The following BBS2 variants were observed in gnomAD, a reference collection of about 807,000 sequenced individuals.
The protein encoded by BBS2 is Bardet-Biedl syndrome 2, also known as BBSome complex member BBS2.
Under a neutral mutation model 83.0 loss-of-function variants are expected in BBS2, and 62 were observed. The ratio of observed to expected loss-of-function variants is 0.75; its 90% CI spans 0.61 to 0.92. The LOEUF is 0.92. Ranked by LOEUF, BBS2 falls within the 40% of genes least tolerant of loss-of-function variation. The probability of loss-of-function intolerance (pLI) is 0.00; values close to 1 mark genes in which losing one functional copy is unlikely to be tolerated. For missense variants in BBS2, 784 were observed against 901.0 expected (o/e 0.87, Z 1.66); for synonymous variants, 303 against 326.1 (o/e 0.93, Z 0.76).
chr16:56,486,621 T>A (rs77020423), intron 15 of BBS2, among the ~76,000 whole-genome samples: 25,420 of 152,126 alleles, frequency 0.17, 2,298 homozygotes, highest in East Asian at 0.27. Flanking sequence ...AGATACAGTA[T>A]GATTCCATTT....
At chr16:56,510,093 A>G in intron 4 of BBS2, 59 bp from the exon 5 acceptor site, 1 of 1,512,086 alleles carries the variant, frequency 6.6e-7, no homozygotes, top group Non-Finnish European at 9.2e-7. Context: ...AAATTTCTGT[A>G]AACAAAACAA....
chr16:56,514,771 C>T, intron 1 of BBS2, 91 bp from the exon 2 acceptor site: 1 of 950,158 alleles, frequency 1.1e-6, no homozygotes, highest in African/African-American at 1.7e-5. Context: ...ATTAACACAT[C>T]CACATTAACA....
intron 2 of BBS2, 78 bp downstream of exon 2, chr16:56,514,375 T>C: frequency 7.4e-7 from 1 of 1,345,126 alleles, no homozygotes; most frequent in Non-Finnish European, 1.1e-6. Flanking sequence ...CCAAAATAAA[T>C]GATCTGATCT....
intron 17 of BBS2, chr16:56,476,211 C>A: frequency 6.2e-7 from 1 of 1,602,614 alleles, no homozygotes. Context: ...AATGACAGCA[C>A]TGGGCAAAGC....
intron 12 of BBS2, chr16:56,499,186 C>G (rs1214242537): frequency 5.6e-6 from 1 of 177,060 alleles, no homozygotes; most frequent in South Asian, 1.3e-4. Flanking sequence ...GCCTGAGAAT[C>G]TACATGATTA....
intron 15 of BBS2, among the ~76,000 whole-genome samples, chr16:56,487,016 G>A (rs1597002881): frequency 6.6e-6 from 1 of 151,916 alleles, no homozygotes; most frequent in Admixed American, 6.6e-5. Context: ...CACCCACCTT[G>A]GCCTCCCAAA....
At chr16:56,492,533 C>T (rs1157470866) in intron 15 of BBS2, among the ~76,000 whole-genome samples, 1 of 152,146 alleles carries the variant, frequency 6.6e-6, no homozygotes, top group Non-Finnish European at 1.5e-5. Context: ...CCAATAGTTT[C>T]AGTTAAGCAA....
chr16:56,496,917 C>T (rs1205633715), intron 15 of BBS2, 50 bp downstream of exon 15: 2 of 1,292,646 alleles, frequency 1.5e-6, no homozygotes, highest in Non-Finnish European at 2.3e-6. Flanking sequence ...CTATTCCATA[C>T]TGCTCACATT....
In BBS2 at chr16:56,497,731, G is replaced by A. The variant is rs370960689; in HGVS notation, c.1797+12C>T. The A allele has an allele frequency of 6.0e-5, 97 of 1,612,752 alleles. No homozygotes were observed. The highest frequency in any genetic ancestry group is 5.7e-4 in the African/African-American group (43 of 74,890). Reference sequence around the variant, plus strand: ...CCACATTCTCACAAATGCATCTACCGCATTCCCTCACCTTAACTAGCACCT... The same window carrying A: ...CCACATTCTCACAAATGCATCTACCACATTCCCTCACCTTAACTAGCACCT... On this transcript the variant is annotated intron_variant, in intron 14 of 16. Transcript: ENST00000245157.
At chr16:56,481,117 C>T (rs182079762), downstream of BBS2, among the ~76,000 whole-genome samples, 169 of 152,174 alleles carry the variant, frequency 1.1e-3, 4 homozygotes, top group Non-Finnish European at 4.4e-4. Context: ...TCTGTAACTG[C>T]TAATTATAAA....
At chr16:56,514,734 T>C in intron 1 of BBS2, 54 bp from the exon 2 acceptor site, 5 of 1,356,738 alleles carry the variant, frequency 3.7e-6, no homozygotes, top group Admixed American at 4.1e-5. Context: ...ATTAGTATCA[T>C]ACATTTTTTT....
At chr16:56,473,024 G>A (rs1435804218) in intron 17 of BBS2, among the ~76,000 whole-genome samples, 5 of 152,112 alleles carry the variant, frequency 3.3e-5, no homozygotes, top group Admixed American at 6.5e-5. Flanking sequence ...TCCGTCTTCC[G>A]GGTTCAAGCG....
At position 56,520,010 on chromosome 16, in the gene BBS2, G is replaced by A. The variant is rs1386948519; in HGVS notation, c.-148C>T. ...ACGCGAAACAGCCCGGGACGAACCC[G>A]TCCAGGTACCGCCTGCTCCTCCTGC... On this transcript the variant is annotated 5_prime_UTR_variant, in exon 1 of 17. In the 5' UTR this introduces an upstream ATG that the reference lacks. Transcript: ENST00000245157. 2 of 706,526 alleles carry A rather than the reference G, an allele frequency of 2.8e-6. No homozygotes were observed. The highest frequency in any genetic ancestry group is 1.8e-5 in the African/African-American group (1 of 56,708). 43.8% of individuals were successfully genotyped at this position (706,526 alleles called of 1,614,324 possible).
chr16:56,515,580 C>T (rs1964714351), intron 1 of BBS2, among the ~76,000 whole-genome samples: 1 of 152,100 alleles, frequency 6.6e-6, no homozygotes, highest in African/African-American at 2.4e-5. Context: ...CCCTCTAGCC[C>T]CTTCTAGTTC....
intron 16 of BBS2, 107 bp downstream of exon 16, chr16:56,485,483 A>G (rs1423497526): frequency 4.2e-6 from 6 of 1,417,522 alleles, no homozygotes; most frequent in East Asian, 2.3e-5. Flanking sequence ...TGTGAAAGGT[A>G]TGCTACTTTC....
At chr16:56,470,666 T>G in exon 18 of BBS2, 10 of 1,614,100 alleles carry the variant, frequency 6.2e-6, no homozygotes, top group Non-Finnish European at 8.5e-6. Context: ...ACCACTGATA[T>G]CACTGAAGAA....
In BBS2 at chr16:56,519,901, G is replaced by T. The variant is rs760993590; in HGVS notation, c.-39C>A. The T allele has an allele frequency of 3.2e-6, 5 of 1,555,484 alleles. No individual in the cohort carries two copies. The Admixed American group carries it at 8.4e-5, about 26-fold the overall frequency. ...TAGGGGAGGAGGGCTGGAAGCTGGA[G>T]ACAAGCGCAGCGGAGCTGGCCTCAC... On this transcript the variant is annotated 5_prime_UTR_variant, in exon 1 of 17. Transcript: ENST00000245157.
intron 17 of BBS2, among the ~76,000 whole-genome samples, chr16:56,473,548 C>A (rs1391907499): frequency 1.3e-5 from 2 of 152,198 alleles, no homozygotes; most frequent in African/African-American, 4.8e-5. Flanking sequence ...TATCAGTCTG[C>A]ACTCCCACCA....
chr16:56,512,436 TG>T (rs1249219076), intron 2 of BBS2, among the ~76,000 whole-genome samples: 3 of 152,294 alleles, frequency 2.0e-5, no homozygotes, highest in African/African-American at 7.2e-5. Context: ...TGTTAAAAAC[TG>T]AAACAATCCA....
Sources: allele counts gnomAD v4.1 joint callset (sites outside exome capture counted in the v4.1 genomes callset), GRCh38; gene constraint gnomAD v4.1.1; transcripts MANE v1.5; gene names NCBI Gene and HGNC (gene_info 2026-07-23, HGNC 2026-07-21).